The following WDR59 variants were observed in gnomAD, a reference collection of about 807,000 sequenced individuals.
WDR59 encodes WD repeat domain 59.
In WDR59, 100 loss-of-function variants were observed where a neutral mutation model predicts 131.2. That is an observed-to-expected ratio of 0.76 (90% confidence interval 0.65 to 0.90). The LOEUF is 0.90. WDR59 is among the 40% of genes least tolerant of loss of function. WDR59 has a pLI of 0.00. For synonymous variants in WDR59, 601 were observed against 466.2 expected, an observed-to-expected ratio of 1.29 and a Z score of -3.72; for missense variants, 1,203 against 1,262.2, an observed-to-expected ratio of 0.95 and a Z score of 0.71.
Position 74,971,638 on chromosome 16 carries a change from G to A in WDR59, c.55-5816C>T, listed in dbSNP as rs536600172. On this transcript the variant is annotated intron_variant, in intron 1 of 25. Transcript: ENST00000262144. ...AATAGAGATGGGGTTTCACCATGTC[G>A]GCCAGGCTGGTCTCGAACTACTGAC... Among the ~76,000 whole-genome samples, 228 of 151,628 alleles carry A rather than the reference G, an allele frequency of 1.5e-3. 4 individuals are homozygous for A. Among genetic ancestry groups the A allele is most frequent in the Non-Finnish European group, 9.7e-4 (66 of 67,948 alleles).
chr16:74,882,584 G>A (rs1319982766), intron 25 of WDR59, among the ~76,000 whole-genome samples: 32 of 151,814 alleles, frequency 2.1e-4, no homozygotes, highest in Admixed American at 2.1e-3. Flanking sequence ...AATACAAGTG[G>A]TATTTGTATT....
intron 25 of WDR59, 132 bp downstream of exon 25, chr16:74,885,521 G>T: frequency 2.2e-6 from 2 of 892,446 alleles, no homozygotes; most frequent in Non-Finnish European, 3.1e-6. Flanking sequence ...GCTTGGAATA[G>T]ACTCAAAATG....
At chr16:74,939,837 T>G (rs912746329) in intron 7 of WDR59, among the ~76,000 whole-genome samples, 1 of 151,590 alleles carries the variant, frequency 6.6e-6, no homozygotes, top group African/African-American at 2.4e-5. Flanking sequence ...AGAAAAAAAT[T>G]TTTTTAATTA....
At chr16:74,879,345 A>T (rs1964372262) in intron 25 of WDR59, among the ~76,000 whole-genome samples, 1 of 152,222 alleles carries the variant, frequency 6.6e-6, no homozygotes, top group Admixed American at 6.5e-5. Context: ...TGACAGAGTG[A>T]GACCCTGTCT....
At chr16:74,899,233 G>C (rs997848823) in intron 18 of WDR59, among the ~76,000 whole-genome samples, 1 of 152,162 alleles carries the variant, frequency 6.6e-6, no homozygotes, top group Non-Finnish European at 1.5e-5. Context: ...GCTAGCTTCC[G>C]TGTTATGCCA....
intron 14 of WDR59, among the ~76,000 whole-genome samples, chr16:74,910,131 C>A (rs948844430): frequency 1.3e-5 from 2 of 151,952 alleles, no homozygotes; most frequent in Non-Finnish European, 2.9e-5. Flanking sequence ...CCATGCCTGG[C>A]TAATTTTTGT....
At chr16:74,916,728 G>T (rs533457859) in intron 11 of WDR59, among the ~76,000 whole-genome samples, 7 of 151,916 alleles carry the variant, frequency 4.6e-5, no homozygotes, top group Non-Finnish European at 7.4e-5. Context: ...GCATGGTGGC[G>T]GACGCCTACA....
chr16:74,981,253 G>A (rs1166750968), intron 1 of WDR59, among the ~76,000 whole-genome samples: 2 of 151,656 alleles, frequency 1.3e-5, no homozygotes, highest in Admixed American at 1.3e-4. Flanking sequence ...GTGGGCGCCT[G>A]TAGTCCCAGC....
At position 74,874,312 on chromosome 16, in the gene WDR59, C is replaced by T. The variant is rs1044192382; in HGVS notation, c.2822G>A (p.Cys941Tyr). ...GTGGCTGGTGTGGCCACCGTGCCCA[C>T]AGGTCAGGCAGAAATTGGACGATCC... ...VRGSSNFCLTCGHGGHTSHMM... is the reference protein window; with the variant it reads ...VRGSSNFCLTYGHGGHTSHMM... Residue 941 changes from cysteine (C) to tyrosine (Y), a missense_variant, in exon 26 of 26, where the codon TGT becomes TAT. Cys to Tyr is a radical substitution (Grantham distance 194). Coordinates refer to ENST00000262144, the MANE Select transcript of WDR59 (RefSeq NM_030581.4). The T allele has an allele frequency of 7.4e-6, 12 of 1,614,022 alleles. No individual in the cohort carries two copies. Among genetic ancestry groups the T allele is most frequent in the Non-Finnish European group, 1.0e-5 (12 of 1,180,042 alleles).
At chr16:74,945,785 G>C (rs1385628974) in intron 6 of WDR59, among the ~76,000 whole-genome samples, 2 of 150,218 alleles carry the variant, frequency 1.3e-5, no homozygotes. Context: ...GACGTTCTGA[G>C]AGAGAGAGAG....
At chr16:74,962,208 G>A (rs1189742912) in intron 2 of WDR59, among the ~76,000 whole-genome samples, 3 of 152,132 alleles carry the variant, frequency 2.0e-5, no homozygotes, top group Non-Finnish European at 4.4e-5. Flanking sequence ...AGGATAGTTT[G>A]AAGTCGGGTA....
intron 6 of WDR59, among the ~76,000 whole-genome samples, chr16:74,946,959 A>T (rs530191596): frequency 6.6e-6 from 1 of 152,346 alleles, no homozygotes; most frequent in South Asian, 2.1e-4. Context: ...TTTATAAAGG[A>T]TGTCAAAATA....
intron 17 of WDR59, chr16:74,904,360 T>A (rs1965699673): frequency 2.5e-6 from 1 of 400,594 alleles, no homozygotes; most frequent in Non-Finnish European, 4.5e-6. Flanking sequence ...AAGGTCAACC[T>A]ACAAATATCT....
chr16:74,965,653 C>A, intron 2 of WDR59, 120 bp downstream of exon 2: 1 of 1,221,978 alleles, frequency 8.2e-7, no homozygotes. Flanking sequence ...AACAGGATAT[C>A]AGAACTAAAC....
chr16:74,924,000 A>G lies in WDR59; in HGVS notation c.655T>C (p.Trp219Arg). The stretch of plus-strand genomic sequence containing the variant: ...TATTTCCGAGGCTGGCGGTAATCCC[A>G]GAACTAGAAGAGAGCAAGCAAGATC... ...TSSQDNSVKF[W>R]DYRQPRKYLN... The change falls in exon 9 of 26, where the codon TGG becomes CGG. Residue 219 changes from tryptophan (W) to arginine (R), a missense_variant. Coordinates refer to ENST00000262144, the MANE Select transcript of WDR59 (RefSeq NM_030581.4). 6.2e-7 allele frequency: 1 copy of G among 1,613,416 alleles called. No homozygotes were observed. The highest frequency in any genetic ancestry group is 8.5e-7 in the Non-Finnish European group (1 of 1,179,880).
At chr16:74,926,035 G>T (rs973470981) in intron 8 of WDR59, among the ~76,000 whole-genome samples, 5 of 147,848 alleles carry the variant, frequency 3.4e-5, no homozygotes, top group African/African-American at 1.2e-4. Context: ...AGACTATATG[G>T]AAAACAGTGA....
chr16:74,973,756 C>G (rs1048253033), intron 1 of WDR59, among the ~76,000 whole-genome samples: 7 of 152,188 alleles, frequency 4.6e-5, no homozygotes, highest in African/African-American at 1.7e-4. Flanking sequence ...ATTAATTCGG[C>G]CAGGCGCAGT....
intron 6 of WDR59, 44 bp from the exon 7 acceptor site, chr16:74,942,870 T>C: frequency 6.3e-7 from 1 of 1,584,240 alleles, no homozygotes; most frequent in Non-Finnish European, 8.7e-7. Flanking sequence ...CCTTGGTGCT[T>C]TCGGAAGCAG....
At chr16:74,970,061 C>T (rs1378369071) in intron 1 of WDR59, among the ~76,000 whole-genome samples, 1 of 151,930 alleles carries the variant, frequency 6.6e-6, no homozygotes, top group Non-Finnish European at 1.5e-5. Context: ...ATACCTGGGA[C>T]CACAGGCGCA....
Sources: allele counts gnomAD v4.1 joint callset (sites outside exome capture counted in the v4.1 genomes callset), GRCh38; gene constraint gnomAD v4.1.1; transcripts MANE v1.5; gene names NCBI Gene and HGNC (gene_info 2026-07-23, HGNC 2026-07-21).